The following CUBN variants were observed in gnomAD, a reference collection of about 807,000 sequenced individuals.
CUBN encodes cubilin, also known as 460 kDa receptor.
Under a neutral mutation model 405.3 loss-of-function variants are expected in CUBN, and 282 were observed. That is an observed-to-expected ratio of 0.70 (90% confidence interval 0.63 to 0.77). CUBN has a LOEUF of 0.77. Ranked by LOEUF, CUBN falls within the 30% of genes least tolerant of loss-of-function variation. The pLI is 0.00. For missense variants in CUBN, 4,514 were observed against 4,475.2 expected (o/e 1.01, Z -0.25); for synonymous variants, 1,684 against 1,617.0 (o/e 1.04, Z -0.99).
chr10:16,999,810 C>T (rs530013256), intron 28 of CUBN, among the ~76,000 whole-genome samples: 166 of 152,318 alleles, frequency 1.1e-3, no homozygotes, highest in Middle Eastern at 3.4e-3. Flanking sequence ...AGGGCTCTTG[C>T]AGGGAAAAGC....
At chr10:17,126,651 G>C (rs1201066817) in intron 4 of CUBN, 110 bp downstream of exon 4, 2 of 1,241,864 alleles carry the variant, frequency 1.6e-6, no homozygotes, top group Admixed American at 3.4e-5. Flanking sequence ...GAAAAAGCAA[G>C]TTTTTAATAT....
chr10:16,888,359 T>C (rs1213472406), intron 56 of CUBN, 58 bp downstream of exon 56: 1 of 1,375,778 alleles, frequency 7.3e-7, no homozygotes, highest in African/African-American at 1.4e-5. Context: ...TTGTACACCA[T>C]AAATATACAA....
chr10:16,849,662 T>G (rs1839623535), intron 60 of CUBN, among the ~76,000 whole-genome samples: 2 of 152,212 alleles, frequency 1.3e-5, no homozygotes, highest in South Asian at 2.1e-4. Flanking sequence ...TAAAGTTTAT[T>G]GCAATCCTAG....
At chr10:17,053,134 T>C (rs1273549933) in intron 22 of CUBN, among the ~76,000 whole-genome samples, 2 of 151,934 alleles carry the variant, frequency 1.3e-5, no homozygotes, top group Non-Finnish European at 2.9e-5. Flanking sequence ...ACTAATAATA[T>C]TCTGTAAACC....
chr10:16,875,496 C>T (rs1234841526), intron 57 of CUBN, among the ~76,000 whole-genome samples: 2 of 152,160 alleles, frequency 1.3e-5, no homozygotes, highest in Non-Finnish European at 2.9e-5. Flanking sequence ...ATGTCAGGCT[C>T]TTTATTTCTT....
At chr10:16,934,635 C>T (rs1842450199) in intron 39 of CUBN, among the ~76,000 whole-genome samples, 1 of 152,158 alleles carries the variant, frequency 6.6e-6, no homozygotes. Flanking sequence ...TCCTTTGTCT[C>T]CACTTCCAAA....
At chr10:16,840,272 T>C in intron 62 of CUBN, 58 bp downstream of exon 62, 1 of 1,423,860 alleles carries the variant, frequency 7.0e-7, no homozygotes, top group Non-Finnish European at 9.9e-7. Flanking sequence ...TCAAGTGTTT[T>C]GCAAATACTG....
intron 60 of CUBN, among the ~76,000 whole-genome samples, chr10:16,847,839 C>A (rs1428222229): frequency 6.6e-6 from 1 of 152,112 alleles, no homozygotes; most frequent in Admixed American, 6.5e-5. Flanking sequence ...TGTGTATCTA[C>A]CACAGAGTTC....
rs771688597 is a variant in CUBN, at chr10:17,088,295, A to G, written c.1816T>C (p.Tyr606His). The G allele has an allele frequency of 1.9e-5, 30 of 1,613,326 alleles. No homozygotes were observed. The Middle Eastern group carries it at 2.3e-3, about 124-fold the overall frequency. Residue 606 changes from tyrosine to histidine, a missense_variant, in exon 15 of 67, where the codon TAT becomes CAT. Coordinates refer to ENST00000377833, the MANE Select transcript of CUBN (RefSeq NM_001081.4). Reference protein sequence around the residue: ...GPYGSIKSPGYPGNYPPGRDC... With the variant: ...GPYGSIKSPGHPGNYPPGRDC... ...CTTCCTGGGGGATAGTTTCCAGGAT[A>G]CCCCGGAGACTTAATAGAACCGTAA...
At chr10:17,026,873 G>T (rs542790381) in intron 27 of CUBN, among the ~76,000 whole-genome samples, 1 of 152,162 alleles carries the variant, frequency 6.6e-6, no homozygotes, top group Non-Finnish European at 1.5e-5. Flanking sequence ...CCTGACATAG[G>T]CACAGAAAAA....
Position 17,122,853 on chromosome 10 carries a change from C to T in CUBN, c.535G>A (p.Gly179Arg), listed in dbSNP as rs772400701. ...ADVNECEIYS[G>R]TPLSCQNGGT... Reference sequence around the variant, plus strand: ...CCATTCTGGCAGCTCAAGGGTGTTCCTGAGTAAATCTCACATTCGTTAACA... The same window carrying T: ...CCATTCTGGCAGCTCAAGGGTGTTCTTGAGTAAATCTCACATTCGTTAACA... The change falls in exon 6 of 67, where the codon GGA becomes AGA. Residue 179 changes from glycine to arginine, a missense_variant. Coordinates refer to ENST00000377833, the MANE Select transcript of CUBN (RefSeq NM_001081.4). 1.1e-5 allele frequency: 17 copies of T among 1,613,710 alleles called. No individual in the cohort carries two copies. In the African/African-American group the frequency reaches 1.6e-4, roughly 15 times the overall value.
At chr10:16,947,194 T>C (rs1418601527) in intron 36 of CUBN, 41 bp downstream of exon 36, 16 of 1,608,534 alleles carry the variant, frequency 9.9e-6, no homozygotes, top group African/African-American at 1.3e-5. Flanking sequence ...TTCCTACAGA[T>C]TCATTAGCAC....
chr10:17,100,741 C>G (rs1455654219), intron 13 of CUBN, among the ~76,000 whole-genome samples: 3 of 152,142 alleles, frequency 2.0e-5, no homozygotes, highest in African/African-American at 7.2e-5. Flanking sequence ...TGACGCCAGC[C>G]CAGACCGACA....
chr10:16,935,629 T>C (rs1032551575), intron 39 of CUBN, among the ~76,000 whole-genome samples: 4 of 152,096 alleles, frequency 2.6e-5, no homozygotes, highest in Admixed American at 2.0e-4. Flanking sequence ...CCTGTAATTC[T>C]AGCACTTTGG....
At chr10:16,913,670 T>G in intron 48 of CUBN, 141 bp downstream of exon 48, 1 of 960,206 alleles carries the variant, frequency 1.0e-6, no homozygotes, top group Admixed American at 2.0e-5. Flanking sequence ...GATTTTGTTC[T>G]TTCAACAATA....
At chr10:17,109,957 T>C (rs1157153288) in intron 9 of CUBN, among the ~76,000 whole-genome samples, 1 of 152,202 alleles carries the variant, frequency 6.6e-6, no homozygotes, top group Non-Finnish European at 1.5e-5. Context: ...GGGTTGTTTC[T>C]AATGAAAAAA....
chr10:16,871,279 T>G (rs1432216379), intron 58 of CUBN, among the ~76,000 whole-genome samples: 4 of 151,874 alleles, frequency 2.6e-5, no homozygotes, highest in Non-Finnish European at 5.9e-5. Context: ...TGACCTCAGG[T>G]GACCTGCCTG....
chr10:17,052,786 A>AG (rs1461820902), intron 22 of CUBN, among the ~76,000 whole-genome samples: 32 of 110,800 alleles, frequency 2.9e-4, no homozygotes, highest in African/African-American at 9.7e-4. Context: ...AAAAAAAAAA[A>AG]AGAGAGAGAG....
chr10:16,984,348 C>T (rs1028797580), intron 29 of CUBN, 69 bp from the exon 30 acceptor site: 3 of 1,430,534 alleles, frequency 2.1e-6, no homozygotes, highest in Admixed American at 1.9e-5. Flanking sequence ...TGCTCTGGCT[C>T]ATTTTGACCC....
Sources: allele counts gnomAD v4.1 joint callset (sites outside exome capture counted in the v4.1 genomes callset), GRCh38; gene constraint gnomAD v4.1.1; transcripts MANE v1.5; gene names NCBI Gene and HGNC (gene_info 2026-07-23, HGNC 2026-07-21).